SCFD2: variants seen among roughly 807,000 people sequenced by gnomAD.
The protein encoded by SCFD2 is sec1 family domain containing 2, also known as sec1 family domain-containing protein 2.
A neutral mutation model predicts 58.9 loss-of-function variants in SCFD2; 54 were observed. That is an observed-to-expected ratio of 0.92 (90% CI 0.74 to 1.15). The LOEUF is 1.15. Among genes scored for constraint, SCFD2 ranks in the 50% most tolerant of loss-of-function variants. SCFD2 has a pLI of 0.00. For missense variants in SCFD2, 805 were observed against 836.6 expected (o/e 0.96, Z 0.47); for synonymous variants, 321 against 335.9 (o/e 0.96, Z 0.49).
chr4:52,895,176 CT>C lies in SCFD2; in HGVS notation c.1843-9311del, dbSNP rs941768941. On this transcript the variant is annotated intron_variant, in intron 7 of 8. Transcript: ENST00000401642. Reference sequence around the variant, plus strand: ...TCTGCTCCTCATGCTCTTGATCCACCTTTTTTTTTTATACTTTAAGTTTTAG... The same window carrying C: ...TCTGCTCCTCATGCTCTTGATCCACCTTTTTTTTTATACTTTAAGTTTTAG... 7.9e-3 allele frequency among the ~76,000 whole-genome samples: 1,170 copies of C among 148,332 alleles called. 12 individuals carry two copies. The highest frequency in any genetic ancestry group is 0.026 in the African/African-American group (1,070 of 40,614).
intron 3 of SCFD2, among the ~76,000 whole-genome samples, chr4:53,279,597 T>C (rs922756378): frequency 2.6e-5 from 4 of 152,370 alleles, no homozygotes; most frequent in East Asian, 1.9e-4. Flanking sequence ...TATGTCAATA[T>C]AGTTTGTGAT....
At chr4:53,317,598 G>A (rs1324389979) in intron 2 of SCFD2, among the ~76,000 whole-genome samples, 2 of 152,138 alleles carry the variant, frequency 1.3e-5, no homozygotes, top group East Asian at 1.9e-4. Context: ...ATCTCCAACT[G>A]TGCAAAACTT....
intron 3 of SCFD2, among the ~76,000 whole-genome samples, chr4:53,291,011 C>T (rs1005924902): frequency 1.8e-4 from 28 of 152,148 alleles, no homozygotes; most frequent in African/African-American, 6.7e-4. Flanking sequence ...CTAAATTCTA[C>T]AAGTCAAGGA....
chr4:52,907,684 A>C (rs1354221841), intron 6 of SCFD2, 93 bp from the exon 7 acceptor site: 1 of 1,177,638 alleles, frequency 8.5e-7, no homozygotes, highest in African/African-American at 1.5e-5. Flanking sequence ...AAGCAAGTTT[A>C]TTTTGATACT....
At chr4:53,023,507 C>T (rs920882273) in intron 5 of SCFD2, among the ~76,000 whole-genome samples, 57 of 152,030 alleles carry the variant, frequency 3.7e-4, no homozygotes, top group African/African-American at 1.3e-3. Flanking sequence ...GATATTAGAC[C>T]CCTTCCTCTC....
chr4:53,291,542 A>G (rs1272449593), intron 3 of SCFD2, among the ~76,000 whole-genome samples: 1 of 152,136 alleles, frequency 6.6e-6, no homozygotes, highest in African/African-American at 2.4e-5. Context: ...GAAAATGTCC[A>G]TACTGCCCAA....
intron 5 of SCFD2, among the ~76,000 whole-genome samples, chr4:53,054,010 G>T (rs1480758414): frequency 6.6e-6 from 1 of 151,752 alleles, no homozygotes; most frequent in African/African-American, 2.4e-5. Flanking sequence ...TCACCCTCTG[G>T]TCTCTGAAAC....
chr4:53,344,773 C>G (rs1734004258), intron 2 of SCFD2, among the ~76,000 whole-genome samples: 2 of 152,102 alleles, frequency 1.3e-5, no homozygotes, highest in South Asian at 2.1e-4. Flanking sequence ...TGGAACAGAA[C>G]AGAGGCCTCA....
chr4:53,216,905 C>T (rs1728860888), intron 4 of SCFD2, among the ~76,000 whole-genome samples: 1 of 152,076 alleles, frequency 6.6e-6, no homozygotes, highest in Non-Finnish European at 1.5e-5. Flanking sequence ...CGTTATGTAC[C>T]CAGTAGTCAT....
chr4:53,193,760 T>G (rs1187011770), intron 4 of SCFD2, among the ~76,000 whole-genome samples: 1 of 152,214 alleles, frequency 6.6e-6, no homozygotes, highest in Non-Finnish European at 1.5e-5. Context: ...CTTTGAGTAC[T>G]TTTTGTTTCT....
Position 53,352,786 on chromosome 4 carries a change from G to A in SCFD2, c.839-20C>T, listed in dbSNP as rs1214461957. On this transcript the variant is annotated intron_variant, in intron 1 of 8. Coordinates refer to ENST00000401642, the MANE Select transcript of SCFD2 (RefSeq NM_152540.4). The stretch of plus-strand genomic sequence containing the variant: ...CTGCTCCTGTTTAAGCAGACAAGAT[G>A]ATGTAAATTCATAAAATGGGAGGAA... The A allele has an allele frequency of 1.3e-6, 2 of 1,593,284 alleles. No homozygotes were observed. Among genetic ancestry groups the A allele is most frequent in the Non-Finnish European group, 1.7e-6 (2 of 1,164,350 alleles).
chr4:53,130,440 A>C (rs1202815305), intron 5 of SCFD2, among the ~76,000 whole-genome samples: 2 of 152,202 alleles, frequency 1.3e-5, no homozygotes, highest in Non-Finnish European at 2.9e-5. Flanking sequence ...GAATGCTCTT[A>C]TGGTAGACGT....
intron 5 of SCFD2, among the ~76,000 whole-genome samples, chr4:52,953,281 C>A (rs769907473): frequency 6.6e-6 from 1 of 152,188 alleles, no homozygotes; most frequent in Non-Finnish European, 1.5e-5. Flanking sequence ...GAATGTGTAA[C>A]TAGGTTAGTT....
At chr4:53,353,510 C>A (rs540744148) in intron 1 of SCFD2, among the ~76,000 whole-genome samples, 7 of 152,226 alleles carry the variant, frequency 4.6e-5, no homozygotes, top group Non-Finnish European at 1.0e-4. Context: ...TATCTGACCC[C>A]ACCCACATCC....
At chr4:53,119,574 T>C (rs1725423037) in intron 5 of SCFD2, among the ~76,000 whole-genome samples, 1 of 152,130 alleles carries the variant, frequency 6.6e-6, no homozygotes, top group African/African-American at 2.4e-5. Context: ...AGCTTAAAAC[T>C]CCTGTGGTTT....
intron 5 of SCFD2, among the ~76,000 whole-genome samples, chr4:52,985,144 A>G (rs187005855): frequency 6.6e-6 from 1 of 152,310 alleles, no homozygotes; most frequent in African/African-American, 2.4e-5. Context: ...AAGGGTATTG[A>G]TCATAAAATA....
Position 53,142,880 on chromosome 4 carries a change from T to C in SCFD2, c.1561+2453A>G, listed in dbSNP as rs1726212102. Among the ~76,000 whole-genome samples the C allele has an allele frequency of 2.0e-5, 3 of 152,228 alleles. No homozygotes were observed. The South Asian group carries it at 6.2e-4, about 31-fold the overall frequency. ...TGTGTGTTCCAGTGGTAAGTTTGAA[T>C]ATGTCAAATTTATTTGACATCTTCT... On this transcript the variant is annotated intron_variant, in intron 5 of 8. Transcript: ENST00000401642.
chr4:52,997,511 G>C (rs1281495027), intron 5 of SCFD2, among the ~76,000 whole-genome samples: 2 of 152,238 alleles, frequency 1.3e-5, no homozygotes, highest in South Asian at 2.1e-4. Context: ...AGAACCAGGG[G>C]ATGGGAGCTC....
chr4:52,967,706 T>C (rs557019183), intron 5 of SCFD2, among the ~76,000 whole-genome samples: 3 of 152,292 alleles, frequency 2.0e-5, no homozygotes, highest in South Asian at 2.1e-4. Context: ...CTGATTCCTT[T>C]TGGAATCTCT....
Sources: gnomAD v4.1 joint callset for allele counts (sites outside exome capture counted in the v4.1 genomes callset) on GRCh38, gnomAD v4.1.1 for gene constraint, MANE v1.5 for transcripts, NCBI Gene and HGNC (gene_info 2026-07-23, HGNC 2026-07-21) for gene names.